KDM5A: variants seen among roughly 807,000 people sequenced by gnomAD.
KDM5A encodes lysine demethylase 5A.
In KDM5A, 42 loss-of-function variants were observed where a neutral mutation model predicts 193.5. The observed-to-expected ratio is 0.22, with a 90% CI of 0.17 to 0.28. The LOEUF is 0.28. KDM5A is among the 10% of genes least tolerant of loss of function. KDM5A has a pLI of 1.00. For synonymous variants in KDM5A, 796 were observed against 718.1 expected, an observed-to-expected ratio of 1.11 and a Z score of -1.73; for missense variants, 1,692 against 2,055.1, an observed-to-expected ratio of 0.82 and a Z score of 3.42.
chr12:339,578 A>C (rs140512225), intron 10 of KDM5A, among the ~76,000 whole-genome samples: 25 of 152,320 alleles, frequency 1.6e-4, no homozygotes, highest in African/African-American at 4.8e-4. Flanking sequence ...GATCTATTTA[A>C]AACTAAAAAG....
At position 324,058 on chromosome 12, in the gene KDM5A, G is replaced by A. The variant is rs77044727; in HGVS notation, c.1969-277C>T. Among the ~76,000 whole-genome samples the A allele has an allele frequency of 3.0e-3, 455 of 152,238 alleles. 1 individual carries two copies. The highest frequency in any genetic ancestry group is 0.01 in the African/African-American group (433 of 41,534). ...GCAGTGGCTCATGGCTATCATCCCA[G>A]CACTTTAGGAAGCTGAGGCGGAAGG... On this transcript the variant is annotated intron_variant, in intron 14 of 27. Transcript: ENST00000399788.
chr12:334,502 A>G, intron 10 of KDM5A, 80 bp from the exon 11 acceptor site: 1 of 1,202,300 alleles, frequency 8.3e-7, no homozygotes, highest in Non-Finnish European at 1.2e-6. Flanking sequence ...GTCTTCCCAG[A>G]AAATTTTTTT....
Position 365,921 on chromosome 12 carries a change from T to C in KDM5A, c.537+13A>G. 6.2e-7 allele frequency: 1 copy of C among 1,612,240 alleles called. No individual in the cohort carries two copies. Among genetic ancestry groups the C allele is most frequent in the Non-Finnish European group, 8.5e-7 (1 of 1,178,320 alleles). On this transcript the variant is annotated intron_variant, in intron 4 of 27. Transcript: ENST00000399788. ...ATTTATCAACTTTTTCTAAAAAGAA[T>C]AATGCATCTCACCATAAGGCTCACA...
At chr12:300,954 C>A (rs1370770754) in intron 24 of KDM5A, among the ~76,000 whole-genome samples, 1 of 152,210 alleles carries the variant, frequency 6.6e-6, no homozygotes, top group African/African-American at 2.4e-5. Flanking sequence ...TTCCTGGACA[C>A]ATACAGCCTC....
At chr12:296,322 CAA>C (rs973972360) in intron 25 of KDM5A, among the ~76,000 whole-genome samples, 12 of 107,314 alleles carry the variant, frequency 1.1e-4, no homozygotes, top group Admixed American at 3.0e-4. Context: ...AACTCCATCT[CAA>C]AAAAAAAAAA....
intron 5 of KDM5A, among the ~76,000 whole-genome samples, chr12:360,831 C>T (rs571758615): frequency 6.6e-6 from 1 of 152,118 alleles, no homozygotes; most frequent in East Asian, 1.9e-4. Flanking sequence ...ATTCAACAGA[C>T]AGAGTAGGTG....
intron 24 of KDM5A, among the ~76,000 whole-genome samples, chr12:305,974 T>TTTG (rs1943499101): frequency 6.9e-6 from 1 of 145,646 alleles, no homozygotes; most frequent in Non-Finnish European, 1.5e-5. Context: ...GAAGTGTTTT[T>TTTG]TTTTTTTTTT....
chr12:314,733 A>G (rs1157269160), intron 19 of KDM5A, among the ~76,000 whole-genome samples: 1 of 152,224 alleles, frequency 6.6e-6, no homozygotes, highest in African/African-American at 2.4e-5. Flanking sequence ...GAGGTACACC[A>G]CAGGAGATGG....
At chr12:335,469 T>C (rs1196685967) in intron 10 of KDM5A, among the ~76,000 whole-genome samples, 2 of 152,198 alleles carry the variant, frequency 1.3e-5, no homozygotes, top group East Asian at 3.8e-4. Flanking sequence ...TGTGCTATCA[T>C]AACAGATTGA....
intron 12 of KDM5A, among the ~76,000 whole-genome samples, chr12:332,453 T>G (rs1943877699): frequency 6.6e-6 from 1 of 152,180 alleles, no homozygotes; most frequent in Non-Finnish European, 1.5e-5. Context: ...ATAAATTTAT[T>G]ATTTAAAAAC....
intron 24 of KDM5A, among the ~76,000 whole-genome samples, chr12:305,519 G>A (rs1027946239): frequency 7.2e-5 from 11 of 152,124 alleles, no homozygotes; most frequent in Non-Finnish European, 1.2e-4. Context: ...AGATAGTGAA[G>A]GGGTAGGAAC....
chr12:370,606 A>T (rs1462683667), intron 3 of KDM5A, among the ~76,000 whole-genome samples: 1 of 83,296 alleles, frequency 1.2e-5, no homozygotes, highest in Non-Finnish European at 2.9e-5. Context: ...AGCTGGGAAC[A>T]GAGACTTTTT....
rs373825473 is a variant in KDM5A, at chr12:318,364, A to G, written c.2639T>C (p.Met880Thr). The G allele has an allele frequency of 8.0e-5, 129 of 1,614,088 alleles. No individual in the cohort carries two copies. Among genetic ancestry groups the G allele is most frequent in the East Asian group, 3.6e-4 (16 of 44,896 alleles). ...GAGTTCCACATAGAGACTAGAGCCC[A>G]TATCTATCAACATCTGGAGTTTGGA... ...DSSKLQMLID[M>T]GSSLYVELPE... Residue 880 changes from methionine (M) to threonine (T), a missense_variant, in exon 19 of 28, where the codon ATG (methionine) becomes ACG (threonine). Met to Thr is a moderately conservative substitution (Grantham distance 81, BLOSUM62 -1). Around this residue, in one of 11 missense-constraint regions of KDM5A, gnomAD observed 965 missense variants for 1,061.0 expected, o/e 0.91. Transcript: ENST00000399788.
intron 10 of KDM5A, among the ~76,000 whole-genome samples, chr12:336,366 A>C (rs1271857036): frequency 6.6e-6 from 1 of 151,844 alleles, no homozygotes; most frequent in Non-Finnish European, 1.5e-5. Context: ...ACTAAAAAAA[A>C]AAAAAAAAAA....
chr12:353,567 T>A (rs1310137215), intron 8 of KDM5A, among the ~76,000 whole-genome samples: 3 of 152,142 alleles, frequency 2.0e-5, no homozygotes, highest in Admixed American at 2.0e-4. Context: ...AGAAAAAGAA[T>A]CTTTGAAAGG....
chr12:365,162 C>T (rs1380168838), intron 4 of KDM5A, among the ~76,000 whole-genome samples: 1 of 152,136 alleles, frequency 6.6e-6, no homozygotes, highest in Admixed American at 6.5e-5. Context: ...AAGCAATCAT[C>T]CTACCACAGT....
intron 8 of KDM5A, among the ~76,000 whole-genome samples, chr12:353,446 TAATA>T (rs1336708406): frequency 6.6e-6 from 1 of 152,196 alleles, no homozygotes; most frequent in African/African-American, 2.4e-5. Context: ...ATACTTTAAT[TAATA>T]GAGAAAAAAC....
In KDM5A at chr12:280,244, A is replaced by G. The variant is rs1943140607; in HGVS notation, c.*5212T>C. The G allele has an allele frequency of 4.3e-6, 1 of 232,888 alleles. No individual in the cohort carries two copies. Among genetic ancestry groups the G allele is most frequent in the Non-Finnish European group, 8.5e-6 (1 of 117,872 alleles). The allele number at this position is 232,888 out of a possible 1,614,324, so 14.4% of individuals were successfully genotyped here. ...TGTGTACAATGTTTCACCATGTTCC[A>G]ATTAATGGTTGAGCTTTAAATGAAA... On this transcript the variant is annotated 3_prime_UTR_variant, in exon 28 of 28. Transcript: ENST00000399788.
intron 5 of KDM5A, among the ~76,000 whole-genome samples, chr12:361,356 G>A (rs942257211): frequency 3.3e-5 from 5 of 151,906 alleles, no homozygotes; most frequent in Non-Finnish European, 7.4e-5. Flanking sequence ...CACCACGCCC[G>A]GCTAATTTTT....
Sources: allele counts gnomAD v4.1 joint callset (sites outside exome capture counted in the v4.1 genomes callset), GRCh38; gene constraint gnomAD v4.1.1; regional missense constraint gnomAD v4.1.1; transcripts MANE v1.5; gene names NCBI Gene and HGNC (gene_info 2026-07-23, HGNC 2026-07-21).